TMEM164: variants seen among roughly 807,000 people sequenced by gnomAD.
TMEM164 encodes transmembrane protein 164, also known as RP13-360B22.2.
A neutral mutation model predicts 18.8 loss-of-function variants in TMEM164; 4 were observed. That is an observed-to-expected ratio of 0.21 (90% CI 0.10 to 0.49). TMEM164 has a LOEUF of 0.49. Ranked by LOEUF, TMEM164 falls within the 20% of genes least tolerant of loss-of-function variation. The probability of loss-of-function intolerance (pLI) is 0.98; values close to 1 mark genes in which losing one functional copy is unlikely to be tolerated. For missense variants in TMEM164, 108 were observed against 239.9 expected (o/e 0.45, Z 3.63); for synonymous variants, 86 against 101.7 (o/e 0.85, Z 0.93).
At chrX:110,110,663 C>T (rs2066278771) in intron 4 of TMEM164, among the ~76,000 whole-genome samples, 1 of 112,214 alleles carries the variant, frequency 8.9e-6, no homozygotes, top group East Asian at 2.8e-4. Context: ...TTGTCAGGCC[C>T]CATCCCCAGA....
chrX:110,062,807 C>T (rs193076370), intron 2 of TMEM164, among the ~76,000 whole-genome samples: 91 of 111,476 alleles, frequency 8.2e-4, no homozygotes, highest in African/African-American at 2.6e-3. Context: ...AGGCCTTGTC[C>T]GCCATCCGAA....
chrX:110,115,689 AC>A (rs1190043049), intron 4 of TMEM164, among the ~76,000 whole-genome samples: 1 of 112,301 alleles, frequency 8.9e-6, no homozygotes, highest in Non-Finnish European at 1.9e-5. Flanking sequence ...AGATACAAAA[AC>A]AACCAGTGTA....
At chrX:110,110,160 G>A (rs2066270909) in intron 4 of TMEM164, among the ~76,000 whole-genome samples, 1 of 110,911 alleles carries the variant, frequency 9.0e-6, no homozygotes, top group African/African-American at 3.3e-5. Context: ...TAAGCCTCTT[G>A]ATCCTAAGAT....
chrX:110,003,753 G>A lies in TMEM164; in HGVS notation c.-22G>A, dbSNP rs763312464. The A allele has an allele frequency of 8.5e-7, 1 of 1,176,325 alleles. No individual in the cohort carries two copies. The highest frequency in any genetic ancestry group is 2.0e-5 in the South Asian group (1 of 51,169). On this transcript the variant is annotated 5_prime_UTR_variant, in exon 2 of 7. The change creates a premature stop within an existing upstream ORF in the 5' untranslated region. Transcript: ENST00000372068. Reference sequence around the variant, plus strand: ...ATCTCACTCTTGCTTCCTGTACTGTGGTCAAGGGGAACCACTGCATCATGT... The same window carrying A: ...ATCTCACTCTTGCTTCCTGTACTGTAGTCAAGGGGAACCACTGCATCATGT...
chrX:110,007,103 C>T (rs1932764518), intron 2 of TMEM164, among the ~76,000 whole-genome samples: 1 of 112,292 alleles, frequency 8.9e-6, no homozygotes, highest in Non-Finnish European at 1.9e-5. Context: ...GTCTCCGCAT[C>T]TCTCATTTTT....
At chrX:110,135,075 A>G (rs1345178300) in intron 4 of TMEM164, among the ~76,000 whole-genome samples, 1 of 110,747 alleles carries the variant, frequency 9.0e-6, no homozygotes, top group Admixed American at 9.6e-5. Context: ...ATATATATAT[A>G]CAAGTATACA....
intron 2 of TMEM164, among the ~76,000 whole-genome samples, chrX:110,058,381 C>A (rs1235791985): frequency 2.8e-5 from 3 of 109,033 alleles, no homozygotes; most frequent in African/African-American, 1.0e-4. Flanking sequence ...TTCCTCAGCT[C>A]CAGAATTTGT....
chrX:110,104,301 G>A (rs1194702206), intron 3 of TMEM164, among the ~76,000 whole-genome samples: 5 of 111,879 alleles, frequency 4.5e-5, no homozygotes, highest in Admixed American at 3.8e-4. Context: ...GTGAGCTCAG[G>A]TGTTGTGAGT....
At chrX:110,088,159 C>T (rs2147911473) in intron 3 of TMEM164, among the ~76,000 whole-genome samples, 1 of 112,172 alleles carries the variant, frequency 8.9e-6, no homozygotes, top group Non-Finnish European at 1.9e-5. Context: ...GAAATTCAGA[C>T]CTCAGGTCTC....
downstream of TMEM164, among the ~76,000 whole-genome samples, chrX:110,178,283 A>G (rs1385911405): frequency 8.9e-6 from 1 of 112,159 alleles, no homozygotes; most frequent in Non-Finnish European, 1.9e-5. Flanking sequence ...GGCCCTTTTT[A>G]CACAGGACAG....
rs1569332380 is a variant in TMEM164 at position 110,108,123 on chromosome X, T to TGTGTGA, written c.441-954_441-953insTGAGTG. On this transcript the variant is annotated intron_variant, in intron 3 of 6. Coordinates refer to ENST00000372068, the MANE Select transcript of TMEM164 (RefSeq NM_032227.4). The stretch of plus-strand genomic sequence containing the variant: ...GTGTGTGTGTGTGTGTGTGTGTGTG[T>TGTGTGA]GTGATTGAGATTGACATCAACCCCC... Among the ~76,000 whole-genome samples the TGTGTGA allele has an allele frequency of 6.7e-5, 7 of 104,220 alleles. No individual in the cohort carries two copies. The East Asian group carries it at 2.1e-3, about 31-fold the overall frequency. The allele number at this position is 104,220 out of a possible 115,157, so 90.5% of individuals were successfully genotyped here.
chrX:110,143,240 G>A (rs1197072276), intron 4 of TMEM164, among the ~76,000 whole-genome samples: 1 of 111,970 alleles, frequency 8.9e-6, no homozygotes, highest in Non-Finnish European at 1.9e-5. Context: ...CTGCTTCCTG[G>A]GTATTTTGAG....
At chrX:110,037,249 C>G in intron 2 of TMEM164, among the ~76,000 whole-genome samples, 1 of 111,035 alleles carries the variant, frequency 9.0e-6, no homozygotes, top group South Asian at 3.8e-4. Context: ...AGCTGGAATA[C>G]CTAGAGGAGA....
chrX:110,150,114 G>A (rs1602713158), intron 5 of TMEM164, among the ~76,000 whole-genome samples: 2 of 112,236 alleles, frequency 1.8e-5, no homozygotes, highest in African/African-American at 6.5e-5. Flanking sequence ...TGAAAGAAAG[G>A]AACATGCTCT....
At chrX:110,164,425 G>T (rs1041463195) in intron 5 of TMEM164, among the ~76,000 whole-genome samples, 5 of 111,460 alleles carry the variant, frequency 4.5e-5, no homozygotes, top group Non-Finnish European at 5.7e-5. Context: ...CATGGTTATC[G>T]GGAGTGAGCT....
chrX:110,124,121 TGGAA>T (rs1200145593), intron 4 of TMEM164, among the ~76,000 whole-genome samples: 6,456 of 65,028 alleles, frequency 0.099, 301 homozygotes, highest in Non-Finnish European at 0.12. Context: ...TAATAACAAA[TGGAA>T]GGAAGGAAGG....
intron 5 of TMEM164, among the ~76,000 whole-genome samples, chrX:110,170,920 A>T (rs1044152997): frequency 8.9e-6 from 1 of 111,959 alleles, no homozygotes; most frequent in African/African-American, 3.3e-5. Context: ...ATGGCCCGTA[A>T]GCGGTAGAGT....
At chrX:110,080,340 TAGAAAAAATAATATA>T (rs1488240599) in intron 3 of TMEM164, among the ~76,000 whole-genome samples, 1 of 112,101 alleles carries the variant, frequency 8.9e-6, no homozygotes, top group Non-Finnish European at 1.9e-5. Flanking sequence ...TATAATAATG[TAGAAAAAATAATATA>T]GGAAAAAACA....
intron 5 of TMEM164, among the ~76,000 whole-genome samples, chrX:110,146,217 A>T (rs1162079748): frequency 1.8e-5 from 2 of 111,745 alleles, no homozygotes; most frequent in Non-Finnish European, 1.9e-5. Flanking sequence ...GAACCCTGCT[A>T]CTCATCGTTC....
Sources: gnomAD v4.1 joint callset for allele counts (sites outside exome capture counted in the v4.1 genomes callset) on GRCh38, gnomAD v4.1.1 for gene constraint, MANE v1.5 for transcripts, NCBI Gene and HGNC (gene_info 2026-07-23, HGNC 2026-07-21) for gene names.